The following FBXO25 variants were observed in gnomAD, a reference collection of about 807,000 sequenced individuals.
FBXO25 encodes F-box protein 25, also known as F-box only protein 25.
In FBXO25, 45 loss-of-function variants were observed where a neutral mutation model predicts 51.9. The ratio of observed to expected loss-of-function variants is 0.87; its 90% CI spans 0.68 to 1.11. The LOEUF (loss-of-function observed/expected upper bound fraction) is 1.11. Ranked by LOEUF, FBXO25 falls within the 50% of genes most tolerant of loss-of-function variation. The probability of loss-of-function intolerance (pLI) is 0.00; values close to 1 mark genes in which losing one functional copy is unlikely to be tolerated. For synonymous variants in FBXO25, 199 were observed against 151.0 expected (o/e 1.32, Z -2.33); for missense variants, 507 against 428.5 (o/e 1.18, Z -1.62).
intron 5 of FBXO25, among the ~76,000 whole-genome samples, chr8:441,111 G>C (rs1443266785): frequency 2.7e-5 from 4 of 150,434 alleles, no homozygotes; most frequent in African/African-American, 9.8e-5. Context: ...CCTGACTTCA[G>C]ACTATATTAC....
In FBXO25 at chr8:458,490, T is replaced by A; in HGVS notation, c.782T>A (p.Met261Lys). 1 of 1,614,180 alleles carries A rather than the reference T, an allele frequency of 6.2e-7. No individual in the cohort carries two copies. Among genetic ancestry groups the A allele is most frequent in the Non-Finnish European group, 8.5e-7 (1 of 1,180,022 alleles). ...GGCCAGGTGACCCCCACGTTGTATA[T>A]GCTTAGTGAAGACAGACAGCTGTGG... The part of the protein sequence containing the change: ...TLGQVTPTLY[M>K]LSEDRQLWKK... Residue 261 changes from methionine (M) to lysine (K), a missense_variant, in exon 8 of 10, where the codon ATG becomes AAG. By Grantham distance (95) the Met-to-Lys change is moderately conservative. Coordinates refer to ENST00000350302, the MANE Select transcript of FBXO25 (RefSeq NM_183420.2).
intron 5 of FBXO25, among the ~76,000 whole-genome samples, chr8:448,520 C>A (rs1451517994): frequency 6.6e-6 from 1 of 152,204 alleles, no homozygotes; most frequent in Non-Finnish European, 1.5e-5. Context: ...TGTATCCAGT[C>A]TGCAAACAAA....
At chr8:466,437 C>G (rs970019161) in intron 9 of FBXO25, among the ~76,000 whole-genome samples, 1 of 152,196 alleles carries the variant, frequency 6.6e-6, no homozygotes, top group Non-Finnish European at 1.5e-5. Context: ...AGCTGGTGCT[C>G]AGAAAATGGC....
Position 472,949 on chromosome 8 carries a change from T to C in FBXO25, c.*4145T>C, listed in dbSNP as rs934110905. Reference sequence around the variant, plus strand: ...GTGATGGACACCACTCACCTCCCTTTAGTCCCTATCAAATGCTACCCAATG... The same window carrying C: ...GTGATGGACACCACTCACCTCCCTTCAGTCCCTATCAAATGCTACCCAATG... On this transcript the variant is annotated 3_prime_UTR_variant, in exon 10 of 10. Coordinates refer to ENST00000350302, the MANE Select transcript of FBXO25 (RefSeq NM_183420.2). 13 of 152,256 alleles carry C rather than the reference T, an allele frequency of 8.5e-5. No individual in the cohort carries two copies. The highest frequency in any genetic ancestry group is 2.9e-4 in the African/African-American group (12 of 41,464). The allele number at this position is 152,256 out of a possible 1,614,324, so 9.4% of individuals were successfully genotyped here.
chr8:447,329 G>C (rs1176175663), intron 5 of FBXO25, among the ~76,000 whole-genome samples: 1 of 152,000 alleles, frequency 6.6e-6, no homozygotes, highest in Non-Finnish European at 1.5e-5. Flanking sequence ...CAACCCTGAG[G>C]GCATCTGCAA....
chr8:444,148 T>C (rs2116675228), intron 5 of FBXO25, among the ~76,000 whole-genome samples: 1 of 152,358 alleles, frequency 6.6e-6, no homozygotes, highest in South Asian at 2.1e-4. Context: ...AATCACTCAG[T>C]AAATGCTTAC....
rs1800648262 is a variant in FBXO25 at position 476,501 on chromosome 8, G to A, written c.*7697G>A. On this transcript the variant is annotated 3_prime_UTR_variant, in exon 10 of 10. Transcript: ENST00000350302. ...ATGACCCTGGGCTTTTCTTTCTTGG[G>A]AGGCTTTTCTTTACTACTTCATGCT... 1.3e-5 allele frequency: 2 copies of A among 152,212 alleles called. No individual in the cohort carries two copies. Among genetic ancestry groups the A allele is most frequent in the Admixed American group, 6.5e-5 (1 of 15,292 alleles). 9.4% of individuals were successfully genotyped at this position (152,212 alleles called of 1,614,324 possible).
rs370047675 is a variant in FBXO25, at chr8:475,885, C to T, written c.*7081C>T. The T allele has an allele frequency of 6.6e-6, 1 of 152,012 alleles. No homozygotes were observed. The highest frequency in any genetic ancestry group is 2.4e-5 in the African/African-American group (1 of 41,410). 9.4% of individuals were successfully genotyped at this position (152,012 alleles called of 1,614,324 possible). On this transcript the variant is annotated 3_prime_UTR_variant, in exon 10 of 10. Transcript: ENST00000350302. ...TTTCCAGTCTGGATGCCTTTTATTT[C>T]TTTTTCTTGCCTAACTGCTCTAAGA...
Position 449,961 on chromosome 8 carries a change from G to A in FBXO25, c.382-29G>A, listed in dbSNP as rs1369139608. On this transcript the variant is annotated intron_variant, in intron 5 of 9. Coordinates refer to ENST00000350302, the MANE Select transcript of FBXO25 (RefSeq NM_183420.2). ...TAATTCCATATTAAATATATATATC[G>A]CTCAGCTTTTTTCCGTCTTTCCTTT... The A allele has an allele frequency of 4.1e-6, 6 of 1,449,330 alleles. No individual in the cohort carries two copies. In the African/African-American group the frequency reaches 7.1e-5, roughly 17 times the overall value. The allele number at this position is 1,449,330 out of a possible 1,614,324, so 89.8% of individuals were successfully genotyped here.
intron 6 of FBXO25, chr8:450,924 TC>T (rs1213237737): frequency 1.4e-5 from 3 of 209,310 alleles, no homozygotes; most frequent in Non-Finnish European, 2.8e-5. Flanking sequence ...CCATTCCTCC[TC>T]CCCACCAGCC....
chr8:427,221 C>G (rs1187197546), intron 2 of FBXO25, among the ~76,000 whole-genome samples: 1 of 152,032 alleles, frequency 6.6e-6, no homozygotes, highest in Non-Finnish European at 1.5e-5. Context: ...GAGGAGCTGA[C>G]CAAAATGTCC....
intron 5 of FBXO25, among the ~76,000 whole-genome samples, chr8:445,619 G>A (rs1252531161): frequency 1.3e-5 from 2 of 152,210 alleles, no homozygotes; most frequent in Admixed American, 1.3e-4. Flanking sequence ...TTGGGAGGCC[G>A]AGGTGGGCGG....
At chr8:440,854 C>T (rs1248595583) in intron 5 of FBXO25, among the ~76,000 whole-genome samples, 12 of 144,184 alleles carry the variant, frequency 8.3e-5, no homozygotes, top group South Asian at 2.3e-4. Flanking sequence ...TTTCTGTTCT[C>T]GTGTTAGTTT....
At chr8:425,981 C>T (rs1228345510) in intron 2 of FBXO25, among the ~76,000 whole-genome samples, 2 of 151,470 alleles carry the variant, frequency 1.3e-5, no homozygotes, top group African/African-American at 4.9e-5. Flanking sequence ...CCTGATACTG[C>T]AGTTAGCTGA....
Position 469,156 on chromosome 8 carries a change from T to C in FBXO25, c.*352T>C, listed in dbSNP as rs554951756. ...CGGCCAATAATATGCTTCTTAATTA[T>C]CAAATTATAGTTTCCCAATTGGGAA... On this transcript the variant is annotated 3_prime_UTR_variant, in exon 10 of 10. Transcript: ENST00000350302. The C allele has an allele frequency of 1.5e-4, 29 of 194,930 alleles. No homozygotes were observed. Among genetic ancestry groups the C allele is most frequent in the Non-Finnish European group, 2.8e-4 (27 of 97,024 alleles). 12.1% of individuals were successfully genotyped at this position (194,930 alleles called of 1,614,324 possible). A position where few individuals can be genotyped will look rare whatever the true frequency, so the allele number is the denominator to read the frequency against.
intron 7 of FBXO25, among the ~76,000 whole-genome samples, chr8:452,998 T>G (rs925650294): frequency 2.0e-5 from 3 of 152,116 alleles, no homozygotes; most frequent in African/African-American, 7.2e-5. Flanking sequence ...CTTGCCCCAC[T>G]CAGTGCTGAC....
chr8:462,989 G>C lies in FBXO25; in HGVS notation c.844-18G>C. ...AAGTCATCTTATGCGGATTCTGAAT[G>C]GAGTTTTGTTTGTTTAGTTTTGTAG... On this transcript the variant is annotated intron_variant, in intron 8 of 9. Coordinates refer to ENST00000350302, the MANE Select transcript of FBXO25 (RefSeq NM_183420.2). The C allele has an allele frequency of 6.3e-7, 1 of 1,593,272 alleles. No homozygotes were observed. Among genetic ancestry groups the C allele is most frequent in the Non-Finnish European group, 8.5e-7 (1 of 1,172,572 alleles).
chr8:407,869 C>T (rs189742461), intron 1 of FBXO25, among the ~76,000 whole-genome samples: 1,628 of 152,270 alleles, frequency 0.011, 27 homozygotes, highest in African/African-American at 0.037. Flanking sequence ...CTCAATTTGA[C>T]CTTTTTCTCA....
At chr8:417,282 C>G (rs1796865750) in intron 2 of FBXO25, among the ~76,000 whole-genome samples, 1 of 152,196 alleles carries the variant, frequency 6.6e-6, no homozygotes. Context: ...TATGCTTTAA[C>G]AGGATTATTC....
Sources: allele counts gnomAD v4.1 joint callset (sites outside exome capture counted in the v4.1 genomes callset), GRCh38; gene constraint gnomAD v4.1.1; transcripts MANE v1.5; gene names NCBI Gene and HGNC (gene_info 2026-07-23, HGNC 2026-07-21).